The following PKHD1L1 variants were observed in gnomAD, a reference collection of about 807,000 sequenced individuals.
PKHD1L1 encodes fibrocystin-L.
A neutral mutation model predicts 462.9 loss-of-function variants in PKHD1L1; 434 were observed. The observed-to-expected ratio is 0.94, with a 90% confidence interval of 0.87 to 1.02. The LOEUF (loss-of-function observed/expected upper bound fraction) is 1.02. Ranked by LOEUF, PKHD1L1 falls within the 50% of genes least tolerant of loss-of-function variation. The pLI, the probability that PKHD1L1 is intolerant of heterozygous loss-of-function variation, is 0.00. For missense variants in PKHD1L1, 5,202 were observed against 5,096.1 expected, an observed-to-expected ratio of 1.02 and a Z score of -0.63; for synonymous variants, 1,781 against 1,750.0, an observed-to-expected ratio of 1.02 and a Z score of -0.44.
Position 109,435,195 on chromosome 8 carries a change from G to T in PKHD1L1, c.3346G>T (p.Glu1116Ter). 6.2e-7 allele frequency: 1 copy of T among 1,612,190 alleles called. No individual in the cohort carries two copies. Residue 1116 changes from glutamate to a stop codon, truncating the protein, a stop_gained, in exon 29 of 78, where the codon GAG (glutamate) becomes TAG (stop). Coordinates refer to ENST00000378402, the MANE Select transcript of PKHD1L1 (RefSeq NM_177531.6). LOFTEE classifies it high-confidence loss of function. The part of the protein sequence containing the change: ...GCSLLSVDEK[E>*]LKCQILNGSA... The stretch of plus-strand genomic sequence containing the variant: ...CTTTTTCTTTTTTTCACAAGAAAAA[G>T]AGCTCAAGTGCCAGATTCTGAATGG...
chr8:109,439,953 C>T (rs1209163362), intron 32 of PKHD1L1, among the ~76,000 whole-genome samples: 2 of 152,078 alleles, frequency 1.3e-5, no homozygotes, highest in Non-Finnish European at 2.9e-5. Flanking sequence ...GCAGAGCTCA[C>T]ATGGATTCTA....
chr8:109,411,905 G>A (rs546534899), intron 19 of PKHD1L1, among the ~76,000 whole-genome samples: 12 of 152,106 alleles, frequency 7.9e-5, no homozygotes, highest in African/African-American at 2.9e-4. Context: ...AGGGGGATAG[G>A]GTTCTTCACC....
rs756717361 is a variant in PKHD1L1 at position 109,445,267 on chromosome 8, G to A, written c.5398G>A (p.Ala1800Thr). The A allele has an allele frequency of 6.2e-7, 1 of 1,613,984 alleles. No homozygotes were observed. The highest frequency in any genetic ancestry group is 8.5e-7 in the Non-Finnish European group (1 of 1,179,876). Residue 1800 changes from alanine to threonine, a missense_variant, in exon 38 of 78, where the codon GCT (alanine) becomes ACT (threonine). Ala to Thr is a moderately conservative substitution (Grantham distance 58, BLOSUM62 0). Coordinates refer to ENST00000378402, the MANE Select transcript of PKHD1L1 (RefSeq NM_177531.6). ...AGAGGTTAATGAAAACAACATCACT[G>A]CTCTTGTGACTCCTCTCCCAGTTGG... ...AIEVNENNIT[A>T]LVTPLPVGHH...
chr8:109,433,054 C>A, intron 27 of PKHD1L1, 52 bp from the exon 28 acceptor site: 1 of 1,256,222 alleles, frequency 8.0e-7, no homozygotes, highest in African/African-American at 1.5e-5. Context: ...TTCATAACAA[C>A]AGGTTTTATT....
intron 42 of PKHD1L1, 144 bp downstream of exon 42, chr8:109,452,424 T>A: frequency 1.2e-6 from 1 of 830,180 alleles, no homozygotes; most frequent in Non-Finnish European, 1.6e-6. Context: ...GTAGCTTACA[T>A]TTTTTGTTGC....
At chr8:109,506,360 C>T (rs1485008499) in intron 68 of PKHD1L1, among the ~76,000 whole-genome samples, 1 of 152,158 alleles carries the variant, frequency 6.6e-6, no homozygotes, top group Non-Finnish European at 1.5e-5. Context: ...AAATGACTGA[C>T]TGATTCAGGA....
In PKHD1L1 at chr8:109,486,533, A is replaced by T. The variant is rs907155122; in HGVS notation, c.9707-115A>T. ...GTTTAACATGTAAATGTAATCATGC[A>T]TTCATGTTCATTTTTGGCTTATTAG... On this transcript the variant is annotated intron_variant, in intron 58 of 77. Transcript: ENST00000378402. 6.1e-5 allele frequency: 51 copies of T among 832,972 alleles called. No individual in the cohort carries two copies. The African/African-American group carries it at 8.5e-4, about 14-fold the overall frequency. The allele number at this position is 832,972 out of a possible 1,614,324, so 51.6% of individuals were successfully genotyped here. A position where few individuals can be genotyped will look rare whatever the true frequency, so the allele number is the denominator to read the frequency against.
Position 109,451,154 on chromosome 8 carries a change from T to A in PKHD1L1, c.6350+5T>A, listed in dbSNP as rs747200365. ...AGTCGTGGGATCAGGATTCAGGTAC[T>A]GTCTCCACACAAACACGCATCATTG... On this transcript the variant is annotated splice_donor_5th_base_variant and intron_variant, in intron 41 of 77. Coordinates refer to ENST00000378402, the MANE Select transcript of PKHD1L1 (RefSeq NM_177531.6). 1.9e-6 allele frequency: 3 copies of A among 1,597,380 alleles called. No homozygotes were observed. The Admixed American group carries it at 5.1e-5, about 27-fold the overall frequency.
intron 19 of PKHD1L1, 41 bp from the exon 20 acceptor site, chr8:109,412,224 A>G (rs938626208): frequency 1.9e-6 from 3 of 1,606,294 alleles, no homozygotes; most frequent in African/African-American, 1.3e-5. Context: ...AAACCAGAAC[A>G]ATAAATCATG....
At chr8:109,485,413 G>C (rs1279225844) in intron 58 of PKHD1L1, among the ~76,000 whole-genome samples, 1 of 151,930 alleles carries the variant, frequency 6.6e-6, no homozygotes, top group Non-Finnish European at 1.5e-5. Context: ...ACATTTTATA[G>C]GGTAAGGCTC....
chr8:109,410,048 T>C, intron 19 of PKHD1L1, 70 bp downstream of exon 19: 4 of 848,236 alleles, frequency 4.7e-6, no homozygotes, highest in Non-Finnish European at 6.9e-6. Context: ...AATTTTATAA[T>C]TTCTCTTCTG....
In PKHD1L1 at chr8:109,477,874, T is replaced by C. The variant is rs149558801; in HGVS notation, c.9089+478T>C. 2.0e-5 allele frequency among the ~76,000 whole-genome samples: 3 copies of C among 152,330 alleles called. No homozygotes were observed. In the East Asian group the frequency reaches 5.8e-4, roughly 29 times the overall value. ...AATTTTCTTTCAAATATATTTTAAT[T>C]CTTTTAGTTAAAAACAATATTTCTA... On this transcript the variant is annotated intron_variant, in intron 53 of 77. Coordinates refer to ENST00000378402, the MANE Select transcript of PKHD1L1 (RefSeq NM_177531.6).
intron 21 of PKHD1L1, among the ~76,000 whole-genome samples, chr8:109,414,961 CATTATTATTATTATTATTATT>C (rs3058250): frequency 0.018 from 2,501 of 140,642 alleles, 78 homozygotes; most frequent in African/African-American, 0.062. Flanking sequence ...ATCATCCCAA[CATTATTATTATTATTATTATT>C]ATTATTATTA....
chr8:109,493,615 GT>G, intron 62 of PKHD1L1, 45 bp from the exon 63 acceptor site: 1 of 1,252,692 alleles, frequency 8.0e-7, no homozygotes, highest in South Asian at 1.4e-5. Context: ...TTATATAAAT[GT>G]TTACTAGCCT....
intron 73 of PKHD1L1, among the ~76,000 whole-genome samples, chr8:109,520,335 T>C (rs1466029697): frequency 6.6e-6 from 1 of 151,996 alleles, no homozygotes; most frequent in Non-Finnish European, 1.5e-5. Context: ...CTCTTAGAAA[T>C]CCCTGGTGAG....
intron 2 of PKHD1L1, among the ~76,000 whole-genome samples, chr8:109,381,062 C>T (rs1009841831): frequency 6.6e-6 from 1 of 152,154 alleles, no homozygotes; most frequent in African/African-American, 2.4e-5. Flanking sequence ...ACTTGTCCTG[C>T]AGGGCTGACT....
chr8:109,522,631 G>A (rs1010097549), intron 74 of PKHD1L1, 113 bp from the exon 75 acceptor site: 3 of 1,102,604 alleles, frequency 2.7e-6, no homozygotes, highest in East Asian at 5.6e-5. Context: ...TTTGCATATT[G>A]AACATATTCC....
rs754745421 is a variant in PKHD1L1 at position 109,427,046 on chromosome 8, C to A, written c.2890C>A (p.Gln964Lys). 2 of 1,613,558 alleles carry A rather than the reference C, an allele frequency of 1.2e-6. No homozygotes were observed. Among genetic ancestry groups the A allele is most frequent in the African/African-American group, 2.7e-5 (2 of 74,924 alleles). The change falls in exon 25 of 78, where the codon CAG (glutamine) becomes AAG (lysine). Residue 964 changes from glutamine to lysine, a missense_variant. Gln to Lys is a moderately conservative substitution (Grantham distance 53). Coordinates refer to ENST00000378402, the MANE Select transcript of PKHD1L1 (RefSeq NM_177531.6). ...VSAADLQFAL[Q>K]SLEGMGRISV... is the part of the protein sequence containing the mutation. ...AGCTGCAGATCTGCAGTTTGCACTC[C>A]AGAGTCTGGAGGGAATGGGAAGAAT... is the stretch of plus-strand genomic sequence containing the variant.
chr8:109,422,976 A>G (rs1019595658), intron 23 of PKHD1L1, among the ~76,000 whole-genome samples: 1 of 152,126 alleles, frequency 6.6e-6, no homozygotes, highest in African/African-American at 2.4e-5. Flanking sequence ...AATGATGTTG[A>G]ACATCTTTTT....
Sources: gnomAD v4.1 joint callset for allele counts (sites outside exome capture counted in the v4.1 genomes callset) on GRCh38, gnomAD v4.1.1 for gene constraint, MANE v1.5 for transcripts, NCBI Gene and HGNC (gene_info 2026-07-23, HGNC 2026-07-21) for gene names.